Variants in PGR observed in about 807,000 individuals in gnomAD.
PGR encodes nuclear receptor subfamily 3 group C member 3.
PGR carries 25 observed loss-of-function variants against 76.1 expected under a neutral mutation model. That is an observed-to-expected ratio of 0.33 (90% CI 0.24 to 0.46). The LOEUF (loss-of-function observed/expected upper bound fraction) is 0.46. PGR is among the 20% of genes least tolerant of loss of function. The pLI, the probability that PGR is intolerant of heterozygous loss-of-function variation, is 1.00. For missense variants in PGR, 1,172 were observed against 1,225.3 expected (o/e 0.96, Z 0.65); for synonymous variants, 579 against 535.0 (o/e 1.08, Z -1.14).
At chr11:101,108,149 G>A (rs1862234098) in intron 2 of PGR, among the ~76,000 whole-genome samples, 1 of 151,754 alleles carries the variant, frequency 6.6e-6, no homozygotes, top group Non-Finnish European at 1.5e-5. Flanking sequence ...AGCTACTCTG[G>A]AGGCTGAGGC....
chr11:101,099,402 G>A (rs1002863299), intron 2 of PGR, among the ~76,000 whole-genome samples: 1 of 152,100 alleles, frequency 6.6e-6, no homozygotes, highest in Non-Finnish European at 1.5e-5. Context: ...TTACTTTTGG[G>A]GAATGATTGG....
chr11:101,066,622 C>T (rs534960440), intron 3 of PGR, among the ~76,000 whole-genome samples: 4 of 152,292 alleles, frequency 2.6e-5, no homozygotes, highest in African/African-American at 9.6e-5. Flanking sequence ...GTATTTCTAA[C>T]AGACCCCTCA....
Position 101,086,082 on chromosome 11 carries a change from T to C in PGR, c.1906+5678A>G, listed in dbSNP as rs1359093435. Among the ~76,000 whole-genome samples the C allele has an allele frequency of 1.3e-5, 2 of 152,096 alleles. 1 individual carries two copies. Among genetic ancestry groups the C allele is most frequent in the South Asian group, 4.1e-4 (2 of 4,832 alleles). On this transcript the variant is annotated intron_variant, in intron 3 of 7. Coordinates refer to ENST00000325455, the MANE Select transcript of PGR (RefSeq NM_000926.4). ...CAAAAAATCGAGAAGGAAAGACTCC[T>C]CCCTAACTCGTTTTCTGAAGCCAGT... is the stretch of plus-strand genomic sequence containing the variant.
chr11:101,127,858 G>C lies in PGR; in HGVS notation c.1213C>G (p.Leu405Val), dbSNP rs553622254. 10 of 1,596,534 alleles carry C rather than the reference G, an allele frequency of 6.3e-6. No individual in the cohort carries two copies. The African/African-American group carries it at 1.3e-4, about 21-fold the overall frequency. ...GCTGCGGGGTTGGCACCGGCCACAAGGTAGGAACGCGGGGAGCGCGCGGAG... is the reference window on the plus strand; with the variant it reads ...GCTGCGGGGTTGGCACCGGCCACAACGTAGGAACGCGGGGAGCGCGCGGAG... The part of the protein sequence containing the change: ...EASARSPRSY[L>V]VAGANPAAFP... Residue 405 changes from leucine to valine, a missense_variant, in exon 1 of 8, where the codon CTT (leucine) becomes GTT (valine). Leu to Val is a conservative substitution (Grantham distance 32). Coordinates refer to ENST00000325455, the MANE Select transcript of PGR (RefSeq NM_000926.4).
At chr11:101,064,896 ATACT>A (rs1860660048) in intron 3 of PGR, among the ~76,000 whole-genome samples, 1 of 152,196 alleles carries the variant, frequency 6.6e-6, no homozygotes, top group South Asian at 2.1e-4. Flanking sequence ...AGGTACACAA[ATACT>A]TACCATTGCA....
In PGR at chr11:101,037,699, A is replaced by C; in HGVS notation, c.*1417T>G. On this transcript the variant is annotated 3_prime_UTR_variant, in exon 8 of 8. Coordinates refer to ENST00000325455, the MANE Select transcript of PGR (RefSeq NM_000926.4). Reference sequence around the variant, plus strand: ...TAGGAAGCAAAGGTGGAAAATTTAAAAGTAATGAAGATAATTGATGGAGAT... The same window carrying C: ...TAGGAAGCAAAGGTGGAAAATTTAACAGTAATGAAGATAATTGATGGAGAT... 4.4e-6 allele frequency: 1 copy of C among 226,390 alleles called. No individual in the cohort carries two copies. Among genetic ancestry groups the C allele is most frequent in the Non-Finnish European group, 8.8e-6 (1 of 113,720 alleles). The allele number at this position is 226,390 out of a possible 1,614,324, so 14.0% of individuals were successfully genotyped here. A position where few individuals can be genotyped will look rare whatever the true frequency, so the allele number is the denominator to read the frequency against.
In PGR at chr11:101,036,478, A is replaced by G. The variant is rs1859519415; in HGVS notation, c.*2638T>C. 1 of 199,678 alleles carries G rather than the reference A, an allele frequency of 5.0e-6. No individual in the cohort carries two copies. The highest frequency in any genetic ancestry group is 7.8e-5 in the East Asian group (1 of 12,774). The allele number at this position is 199,678 out of a possible 1,614,324, so 12.4% of individuals were successfully genotyped here. Reference sequence around the variant, plus strand: ...TATGTAACCTGTCTTCTTATGATTTAGTGTCATTTTAGAGCTACCAGAAAG... The same window carrying G: ...TATGTAACCTGTCTTCTTATGATTTGGTGTCATTTTAGAGCTACCAGAAAG... On this transcript the variant is annotated 3_prime_UTR_variant, in exon 8 of 8. Transcript: ENST00000325455.
chr11:101,107,992 G>A (rs1015192682), intron 2 of PGR, among the ~76,000 whole-genome samples: 2 of 151,920 alleles, frequency 1.3e-5, no homozygotes, highest in Admixed American at 6.6e-5. Context: ...AGTGGCTCAC[G>A]CCTGTAATCC....
chr11:101,070,532 C>T (rs1427824789), intron 3 of PGR, among the ~76,000 whole-genome samples: 1 of 152,158 alleles, frequency 6.6e-6, no homozygotes, highest in Non-Finnish European at 1.5e-5. Flanking sequence ...TCTAGCTCAG[C>T]AGATACCATC....
intron 3 of PGR, among the ~76,000 whole-genome samples, chr11:101,075,669 T>C (rs1329559557): frequency 7.0e-6 from 1 of 142,792 alleles, no homozygotes; most frequent in African/African-American, 2.5e-5. Flanking sequence ...GCAAAGGATA[T>C]GAACAGACAC....
At chr11:101,077,026 T>C (rs1040352534) in intron 3 of PGR, among the ~76,000 whole-genome samples, 3 of 151,246 alleles carry the variant, frequency 2.0e-5, no homozygotes, top group Non-Finnish European at 4.4e-5. Context: ...AGTTTCCCTT[T>C]ATTTTCTCTT....
At chr11:101,102,015 G>A (rs1289590995) in intron 2 of PGR, among the ~76,000 whole-genome samples, 4 of 152,026 alleles carry the variant, frequency 2.6e-5, no homozygotes, top group African/African-American at 7.2e-5. Context: ...AATTATGTGG[G>A]GGAAAAATCA....
At chr11:101,067,819 A>G (rs370675943) in intron 3 of PGR, among the ~76,000 whole-genome samples, 2 of 152,314 alleles carry the variant, frequency 1.3e-5, no homozygotes, top group Non-Finnish European at 1.5e-5. Context: ...CACAAATATA[A>G]TATTAGGCAG....
chr11:101,092,814 T>C (rs557915031), intron 2 of PGR, among the ~76,000 whole-genome samples: 1 of 152,316 alleles, frequency 6.6e-6, no homozygotes, highest in East Asian at 1.9e-4. Flanking sequence ...TGTGAGTCTT[T>C]TAATATCATC....
chr11:101,117,960 C>A (rs186078135), intron 2 of PGR, among the ~76,000 whole-genome samples: 3 of 152,260 alleles, frequency 2.0e-5, no homozygotes, highest in Non-Finnish European at 4.4e-5. Context: ...TATATATAGG[C>A]AATCAGTAAT....
chr11:101,128,187 G>T lies in PGR; in HGVS notation c.884C>A (p.Pro295Gln). 6.3e-7 allele frequency: 1 copy of T among 1,598,500 alleles called. No homozygotes were observed. Among genetic ancestry groups the T allele is most frequent in the Non-Finnish European group, 8.5e-7 (1 of 1,179,700 alleles). Residue 295 changes from proline to glutamine, a missense_variant, in exon 1 of 8, where the codon CCG becomes CAG. Transcript: ENST00000325455. Reference protein sequence around the residue: ...QDAPMAPGRSPLATTVMDFIH... With the variant: ...QDAPMAPGRSQLATTVMDFIH... Reference sequence around the variant, plus strand: ...GAAATCCATCACCGTGGTGGCCAGCGGGGAGCGCCCGGGCGCCATCGGCGC... The same window carrying T: ...GAAATCCATCACCGTGGTGGCCAGCTGGGAGCGCCCGGGCGCCATCGGCGC...
At chr11:101,064,895 A>T (rs1860659899) in intron 3 of PGR, among the ~76,000 whole-genome samples, 1 of 152,170 alleles carries the variant, frequency 6.6e-6, no homozygotes, top group South Asian at 2.1e-4. Flanking sequence ...TAGGTACACA[A>T]ATACTTACCA....
chr11:101,069,304 A>G (rs1783964042), intron 3 of PGR, among the ~76,000 whole-genome samples: 1 of 152,254 alleles, frequency 6.6e-6, no homozygotes, highest in Non-Finnish European at 1.5e-5. Flanking sequence ...TCAAAACCAC[A>G]ATGAGATACC....
chr11:101,033,268 T>C lies in PGR; in HGVS notation c.*5848A>G, dbSNP rs1239562191. 2 of 206,888 alleles carry C rather than the reference T, an allele frequency of 9.7e-6. No homozygotes were observed. The highest frequency in any genetic ancestry group is 4.6e-5 in the African/African-American group (2 of 43,954). 12.8% of individuals were successfully genotyped at this position (206,888 alleles called of 1,614,324 possible). A position where few individuals can be genotyped will look rare whatever the true frequency, so the allele number is the denominator to read the frequency against. The stretch of plus-strand genomic sequence containing the variant: ...ACTAGTTTAGGCAAATTCTGGAAAG[T>C]ATTTCTACCTTATGGAGAACAAGCA... On this transcript the variant is annotated 3_prime_UTR_variant, in exon 8 of 8. Coordinates refer to ENST00000325455, the MANE Select transcript of PGR (RefSeq NM_000926.4).
Sources: allele counts gnomAD v4.1 joint callset (sites outside exome capture counted in the v4.1 genomes callset), GRCh38; gene constraint gnomAD v4.1.1; transcripts MANE v1.5; gene names NCBI Gene and HGNC (gene_info 2026-07-23, HGNC 2026-07-21).